Variants in HSF1 observed in about 807,000 individuals in gnomAD.
HSF1 encodes heat shock transcription factor 1.
Under a neutral mutation model 51.7 loss-of-function variants are expected in HSF1, and 32 were observed. The observed-to-expected ratio is 0.62, with a 90% CI of 0.47 to 0.83. The LOEUF is 0.83. Ranked by LOEUF, HSF1 falls within the 40% of genes least tolerant of loss-of-function variation. The pLI is 0.00. For synonymous variants in HSF1, 396 were observed against 309.7 expected, an observed-to-expected ratio of 1.28 and a Z score of -2.92; for missense variants, 727 against 717.0, an observed-to-expected ratio of 1.01 and a Z score of -0.16.
At chr8:144,313,417 G>C in intron 9 of HSF1, 94 bp from the exon 10 acceptor site, 1 of 815,524 alleles carries the variant, frequency 1.2e-6, no homozygotes, top group Non-Finnish European at 2.1e-6. Flanking sequence ...GTGCAGCCTG[G>C]GGGGTACAGT....
chr8:144,310,056 C>T (rs1467009421), intron 4 of HSF1, 160 bp downstream of exon 4: 4 of 860,626 alleles, frequency 4.6e-6, no homozygotes, highest in African/African-American at 1.7e-5. Context: ...CCCCGCCGCC[C>T]GTGGCTGCTG....
intron 2 of HSF1, 26 bp downstream of exon 2, chr8:144,309,040 G>A: frequency 1.3e-6 from 2 of 1,552,580 alleles, no homozygotes; most frequent in East Asian, 2.2e-5. Flanking sequence ...AGGCAGCGCA[G>A]GGGTGCGGGA....
intron 1 of HSF1, among the ~76,000 whole-genome samples, chr8:144,304,277 G>C (rs1320418365): frequency 2.0e-5 from 3 of 152,230 alleles, no homozygotes; most frequent in Non-Finnish European, 4.4e-5. Flanking sequence ...GGTGTCAGTA[G>C]ATTTTACTCC....
intron 1 of HSF1, among the ~76,000 whole-genome samples, chr8:144,306,435 T>C (rs368454846): frequency 1.3e-5 from 2 of 152,102 alleles, no homozygotes; most frequent in African/African-American, 4.8e-5. Context: ...CAATCACAGC[T>C]CACTGCAGCC....
chr8:144,311,905 T>G, intron 8 of HSF1, 58 bp from the exon 9 acceptor site: 4 of 1,581,614 alleles, frequency 2.5e-6, no homozygotes, highest in Non-Finnish European at 3.4e-6. Flanking sequence ...CAGGGCAGAG[T>G]TGGGGATGAG....
At chr8:144,303,154 C>T (rs138190102) in intron 1 of HSF1, among the ~76,000 whole-genome samples, 1,761 of 152,062 alleles carry the variant, frequency 0.012, 35 homozygotes, top group African/African-American at 0.039. Context: ...TTTATGATTT[C>T]GTCTCTTCTA....
chr8:144,303,281 G>T (rs545384104), intron 1 of HSF1, among the ~76,000 whole-genome samples: 2 of 152,134 alleles, frequency 1.3e-5, no homozygotes, highest in African/African-American at 4.8e-5. Context: ...GCCCCAGCAG[G>T]GCTCTTCGTA....
intron 2 of HSF1, 131 bp downstream of exon 2, chr8:144,309,145 A>G: frequency 1.3e-6 from 1 of 770,198 alleles, no homozygotes. Flanking sequence ...GGGACCCTGC[A>G]AGCCTGGGGG....
intron 1 of HSF1, among the ~76,000 whole-genome samples, chr8:144,303,172 T>A (rs1816009800): frequency 6.6e-6 from 1 of 152,052 alleles, no homozygotes; most frequent in Non-Finnish European, 1.5e-5. Flanking sequence ...CTATCATTTT[T>A]TTGGTATAGA....
chr8:144,313,639 GC>G (rs782738060), intron 10 of HSF1, 23 bp downstream of exon 10: 23 of 438,792 alleles, frequency 5.2e-5, no homozygotes, highest in Admixed American at 1.2e-4. Context: ...CCGCCGCCCC[GC>G]CTCCCCGCCC....
At chr8:144,293,834 G>A (rs538836890) in intron 1 of HSF1, among the ~76,000 whole-genome samples, 1 of 150,910 alleles carries the variant, frequency 6.6e-6, no homozygotes, top group Non-Finnish European at 1.5e-5. Flanking sequence ...GATATTCTAA[G>A]CTTAATCCTA....
At chr8:144,301,205 G>C (rs1815843557) in intron 1 of HSF1, among the ~76,000 whole-genome samples, 2 of 151,926 alleles carry the variant, frequency 1.3e-5, no homozygotes, top group African/African-American at 4.8e-5. Context: ...GATCGCTTGA[G>C]CCCAGGAGTT....
intron 1 of HSF1, among the ~76,000 whole-genome samples, chr8:144,298,319 G>A (rs148469601): frequency 4.6e-5 from 7 of 152,214 alleles, no homozygotes; most frequent in African/African-American, 1.4e-4. Flanking sequence ...AACTAGGGCC[G>A]GGCACGGTGG....
intron 1 of HSF1, among the ~76,000 whole-genome samples, chr8:144,305,298 TG>T (rs1248682503): frequency 1.1e-4 from 17 of 151,538 alleles, no homozygotes; most frequent in African/African-American, 4.1e-4. Flanking sequence ...TGCTCATTTT[TG>T]TTTTTGTTTT....
intron 1 of HSF1, among the ~76,000 whole-genome samples, chr8:144,292,304 TGGCACGTGAAGTGGAG>T (rs1329216022): frequency 6.6e-6 from 1 of 152,184 alleles, no homozygotes; most frequent in East Asian, 1.9e-4. Flanking sequence ...AGTCAGGACT[TGGCACGTGAAGTGGAG>T]GGCGTTGCTG....
intron 9 of HSF1, chr8:144,312,598 A>C: frequency 6.6e-7 from 1 of 1,518,726 alleles, no homozygotes; most frequent in Non-Finnish European, 8.8e-7. Context: ...CCCTGCCTGC[A>C]ATGGGGGCTC....
At chr8:144,303,711 C>G (rs749610487) in intron 1 of HSF1, among the ~76,000 whole-genome samples, 3 of 152,018 alleles carry the variant, frequency 2.0e-5, no homozygotes, top group Non-Finnish European at 4.4e-5. Flanking sequence ...AAGCCTGTCT[C>G]TACTAAAAAT....
intron 1 of HSF1, among the ~76,000 whole-genome samples, chr8:144,299,115 A>C (rs1815683424): frequency 6.6e-6 from 1 of 152,194 alleles, no homozygotes; most frequent in African/African-American, 2.4e-5. Flanking sequence ...TGGAAACACC[A>C]CTGCCTGCTA....
chr8:144,310,925 C>T (rs1588659572), intron 4 of HSF1: 2 of 557,024 alleles, frequency 3.6e-6, no homozygotes, highest in Admixed American at 3.1e-5. Context: ...GCACCTGGCT[C>T]GCATGGATCC....
Sources: gnomAD v4.1 joint callset for allele counts (sites outside exome capture counted in the v4.1 genomes callset) on GRCh38, gnomAD v4.1.1 for gene constraint, MANE v1.5 for transcripts, NCBI Gene and HGNC (gene_info 2026-07-23, HGNC 2026-07-21) for gene names.